Variants in KIF26B observed in about 807,000 individuals in gnomAD.
KIF26B encodes kinesin-like protein KIF26B.
A neutral mutation model predicts 151.2 loss-of-function variants in KIF26B; 63 were observed. The ratio of observed to expected loss-of-function variants is 0.42; its 90% CI spans 0.34 to 0.51. The LOEUF is 0.51. Among genes scored for constraint, KIF26B ranks in the 20% least tolerant of loss-of-function variants. The pLI is 0.07. For synonymous variants in KIF26B, 1,357 were observed against 1,262.1 expected, an observed-to-expected ratio of 1.08 and a Z score of -1.59; for missense variants, 2,813 against 2,913.6, an observed-to-expected ratio of 0.97 and a Z score of 0.79.
At chr1:245,621,185 C>A (rs1373209735) in intron 9 of KIF26B, among the ~76,000 whole-genome samples, 3 of 152,168 alleles carry the variant, frequency 2.0e-5, no homozygotes, top group Non-Finnish European at 4.4e-5. Flanking sequence ...CAACGGGCAG[C>A]AAAGTTTGGG....
At chr1:245,515,974 G>T (rs915906495) in intron 4 of KIF26B, among the ~76,000 whole-genome samples, 1 of 152,086 alleles carries the variant, frequency 6.6e-6, no homozygotes, top group African/African-American at 2.4e-5. Flanking sequence ...AGGGGCAGAG[G>T]GTGTTGCATC....
At chr1:245,621,841 A>G (rs2043665918) in intron 9 of KIF26B, among the ~76,000 whole-genome samples, 1 of 152,246 alleles carries the variant, frequency 6.6e-6, no homozygotes, top group South Asian at 2.1e-4. Context: ...GGCACGGAGC[A>G]GAGAGTAGAT....
At chr1:245,234,359 C>T (rs1027587065) in intron 2 of KIF26B, 2 of 152,280 alleles carry the variant, frequency 1.3e-5, no homozygotes, top group Admixed American at 6.5e-5. Context: ...ACTTGTACCT[C>T]GCACTCACAC....
At chr1:245,464,845 TGAGCAGA>T (rs1659743511) in intron 4 of KIF26B, among the ~76,000 whole-genome samples, 2 of 152,168 alleles carry the variant, frequency 1.3e-5, no homozygotes, top group African/African-American at 4.8e-5. Context: ...TAATCAATTG[TGAGCAGA>T]GAGCAGTGAG....
chr1:245,363,816 T>C (rs919257547), intron 2 of KIF26B, among the ~76,000 whole-genome samples: 1 of 152,200 alleles, frequency 6.6e-6, no homozygotes, highest in African/African-American at 2.4e-5. Flanking sequence ...GGCTACTTCC[T>C]GGCTGTCTGT....
At chr1:245,264,905 A>G (rs1247457039) in intron 2 of KIF26B, among the ~76,000 whole-genome samples, 2 of 149,472 alleles carry the variant, frequency 1.3e-5, no homozygotes, top group Non-Finnish European at 3.0e-5. Flanking sequence ...AAAAAACAAA[A>G]AAAAAGAGCC....
intron 2 of KIF26B, among the ~76,000 whole-genome samples, chr1:245,266,667 C>T (rs1431442350): frequency 1.1e-4 from 16 of 152,166 alleles, no homozygotes; most frequent in East Asian, 3.9e-4. Context: ...CCACCACGCC[C>T]GGCTAATTTT....
chr1:245,395,741 A>T (rs1174336074), intron 3 of KIF26B, among the ~76,000 whole-genome samples: 3 of 152,150 alleles, frequency 2.0e-5, no homozygotes, highest in Admixed American at 2.0e-4. Context: ...TGTCATAATC[A>T]CGTCAGCCTA....
chr1:245,367,455 C>A lies in KIF26B; in HGVS notation c.999+88C>A. 8.1e-7 allele frequency: 1 copy of A among 1,231,204 alleles called. No individual in the cohort carries two copies. The allele number at this position is 1,231,204 out of a possible 1,614,324, so 76.3% of individuals were successfully genotyped here. A position where few individuals can be genotyped will look rare whatever the true frequency, so the allele number is the denominator to read the frequency against. On this transcript the variant is annotated intron_variant, in intron 3 of 14. Transcript: ENST00000407071. This position sits in a 1 kb window ranked among gnomAD's most constrained non-coding sequence, Gnocchi z 4.2. Reference sequence around the variant, plus strand: ...AGCACTTCCTTCCGCTGCCTCCTCCCGGGAACCCTGTAACTCAGAGCCCAG... The same window carrying A: ...AGCACTTCCTTCCGCTGCCTCCTCCAGGGAACCCTGTAACTCAGAGCCCAG...
chr1:245,577,713 G>A (rs2043136042), intron 5 of KIF26B, among the ~76,000 whole-genome samples: 1 of 146,866 alleles, frequency 6.8e-6, no homozygotes, highest in Non-Finnish European at 1.5e-5. Context: ...TCTCCTCACC[G>A]GAAGAGCTTT....
intron 4 of KIF26B, among the ~76,000 whole-genome samples, chr1:245,524,404 G>A (rs1046310853): frequency 6.6e-6 from 1 of 152,064 alleles, no homozygotes; most frequent in African/African-American, 2.4e-5. Flanking sequence ...CTAGGTTTAG[G>A]TTTTATTATT....
At chr1:245,517,688 C>T (rs2103087817) in intron 4 of KIF26B, among the ~76,000 whole-genome samples, 1 of 152,176 alleles carries the variant, frequency 6.6e-6, no homozygotes. Flanking sequence ...CACAAGGTAG[C>T]TCTGCTAGCA....
intron 10 of KIF26B, among the ~76,000 whole-genome samples, chr1:245,682,231 C>A (rs2044449315): frequency 6.6e-6 from 1 of 151,834 alleles, no homozygotes; most frequent in African/African-American, 2.4e-5. Context: ...GGCAACAGAG[C>A]AAGAGTCTGT....
chr1:245,167,922 A>G lies in KIF26B; in HGVS notation c.465+11239A>G, dbSNP rs1217361265. On this transcript the variant is annotated intron_variant, in intron 2 of 14. Transcript: ENST00000407071. The surrounding 1 kb of genome is among the most constrained non-coding windows in gnomAD (Gnocchi z 4.2). ...GCGAGGAAACAAAGAAATGGGTGGT[A>G]TACGCATCCAAGGTTGTCTACAATC... 6.6e-6 allele frequency among the ~76,000 whole-genome samples: 1 copy of G among 152,172 alleles called. No homozygotes were observed. Among genetic ancestry groups the G allele is most frequent in the African/African-American group, 2.4e-5 (1 of 41,438 alleles).
At chr1:245,233,516 A>G (rs1033983372) in intron 2 of KIF26B, among the ~76,000 whole-genome samples, 1 of 152,202 alleles carries the variant, frequency 6.6e-6, no homozygotes, top group African/African-American at 2.4e-5. Flanking sequence ...TTGAAACAGA[A>G]TTCTCATTGT....
chr1:245,644,986 G>A (rs1354822271), intron 9 of KIF26B, among the ~76,000 whole-genome samples: 3 of 152,148 alleles, frequency 2.0e-5, no homozygotes, highest in Admixed American at 6.5e-5. Flanking sequence ...GAGAGTAGGC[G>A]TGTCACATGG....
In KIF26B at chr1:245,434,250, A is replaced by G. The variant is rs193232075; in HGVS notation, c.1166+14505A>G. ...TGAAGTTCTTAGGCATACTCTTACC[A>G]CCTAAAAGTGTTCAGCGATAAAAAT... On this transcript the variant is annotated intron_variant, in intron 4 of 14. Coordinates refer to ENST00000407071, the MANE Select transcript of KIF26B (RefSeq NM_018012.4). 2.5e-3 allele frequency among the ~76,000 whole-genome samples: 386 copies of G among 152,280 alleles called. 1 individual carries two copies. The highest frequency in any genetic ancestry group is 9.0e-3 in the African/African-American group (376 of 41,562).
intron 2 of KIF26B, among the ~76,000 whole-genome samples, chr1:245,284,902 G>C (rs1048680688): frequency 6.6e-6 from 1 of 152,046 alleles, no homozygotes. Flanking sequence ...AGCCGGGCGT[G>C]GTGGCGCATG....
In KIF26B at chr1:245,240,279, G is replaced by A. The variant is rs554043319; in HGVS notation, c.465+83596G>A. 2.0e-5 allele frequency among the ~76,000 whole-genome samples: 3 copies of A among 152,194 alleles called. No individual in the cohort carries two copies. In the East Asian group the frequency reaches 5.8e-4, roughly 29 times the overall value. On this transcript the variant is annotated intron_variant, in intron 2 of 14. Coordinates refer to ENST00000407071, the MANE Select transcript of KIF26B (RefSeq NM_018012.4). ...TTTCGCCGCTTCCATGGCCACATTCGCTTTATTTTTCTCTTCTTAGGGGAG... is the reference window on the plus strand; with the variant it reads ...TTTCGCCGCTTCCATGGCCACATTCACTTTATTTTTCTCTTCTTAGGGGAG...
Sources: allele counts gnomAD v4.1 joint callset (sites outside exome capture counted in the v4.1 genomes callset), GRCh38; gene constraint gnomAD v4.1.1; non-coding constraint Gnocchi (gnomAD v3.1); transcripts MANE v1.5; gene names NCBI Gene and HGNC (gene_info 2026-07-23, HGNC 2026-07-21).